MARCHF4: variants seen among roughly 807,000 people sequenced by gnomAD.
MARCHF4 encodes the protein E3 ubiquitin-protein ligase MARCHF4.
MARCHF4 carries 14 observed loss-of-function variants against 43.9 expected under a neutral mutation model. That is an observed-to-expected ratio of 0.32 (90% CI 0.21 to 0.50). The LOEUF (loss-of-function observed/expected upper bound fraction) is 0.50. MARCHF4 is among the 20% of genes least tolerant of loss of function. The pLI is 0.98. For synonymous variants in MARCHF4, 226 were observed against 213.3 expected (o/e 1.06, Z -0.52); for missense variants, 468 against 536.7 (o/e 0.87, Z 1.27).
rs1237853102 is a variant in MARCHF4, at chr2:216,370,267, C to T, written c.-7G>A. On this transcript the variant is annotated 5_prime_UTR_variant, in exon 1 of 4. Transcript: ENST00000273067. ...CACACAGGGGCATCAGCATGTGCCC[C>T]GTGGAAGTAGAGAGCCCAAGAGGGG... The T allele has an allele frequency of 5.7e-6, 9 of 1,586,430 alleles. No individual in the cohort carries two copies. The highest frequency in any genetic ancestry group is 6.9e-6 in the Non-Finnish European group (8 of 1,164,202).
Position 216,369,827 on chromosome 2 carries a change from T to C in MARCHF4, c.434A>G (p.Glu145Gly), listed in dbSNP as rs1385691733. 1 of 1,613,932 alleles carries C rather than the reference T, an allele frequency of 6.2e-7. No homozygotes were observed. Residue 145 changes from glutamate (E) to glycine (G), a missense_variant, in exon 1 of 4, where the codon GAG (glutamate) becomes GGG (glycine). Glu to Gly is a moderately conservative substitution (Grantham distance 98, BLOSUM62 -2). Coordinates refer to ENST00000273067, the MANE Select transcript of MARCHF4 (RefSeq NM_020814.3). ...GCTGCTGCCCAGTGAGTAGCGATCC[T>C]CGGTCTTCTCCTTACAGAAGTCATC... ...SSDDFCKEKT[E>G]DRYSLGSSLD... is the part of the protein sequence containing the mutation.
intron 1 of MARCHF4, among the ~76,000 whole-genome samples, chr2:216,285,470 C>T (rs2105941888): frequency 6.6e-6 from 1 of 152,332 alleles, no homozygotes; most frequent in Non-Finnish European, 1.5e-5. Flanking sequence ...TCTTATCCAT[C>T]TTTGCAGCCC....
At chr2:216,259,859 C>T in intron 3 of MARCHF4, 180 bp from the exon 4 acceptor site, 1 of 620,448 alleles carries the variant, frequency 1.6e-6, no homozygotes, top group Non-Finnish European at 2.8e-6. Context: ...GGTGGAGGGG[C>T]CACCAGACCG....
At chr2:216,366,555 G>A (rs773721506) in intron 1 of MARCHF4, among the ~76,000 whole-genome samples, 15 of 151,858 alleles carry the variant, frequency 9.9e-5, no homozygotes, top group South Asian at 2.1e-4. Context: ...TGCTAAGCTC[G>A]TTCACATTCA....
chr2:216,328,644 G>C (rs975744612), intron 1 of MARCHF4, among the ~76,000 whole-genome samples: 2 of 152,042 alleles, frequency 1.3e-5, no homozygotes, highest in African/African-American at 4.8e-5. Flanking sequence ...AAAAATGAAG[G>C]GCAACTCAAA....
chr2:216,286,998 C>T (rs2105942671), intron 1 of MARCHF4, among the ~76,000 whole-genome samples: 1 of 152,308 alleles, frequency 6.6e-6, no homozygotes, highest in South Asian at 2.1e-4. Context: ...ATGACTCACT[C>T]AAGGTCACAC....
chr2:216,310,100 G>C (rs933448232), intron 1 of MARCHF4, among the ~76,000 whole-genome samples: 1 of 88 alleles, frequency 0.011, no homozygotes, highest in African/African-American at 0.062. Context: ...GCCTAGATGA[G>C]ACCCTGGAGG....
intron 3 of MARCHF4, among the ~76,000 whole-genome samples, chr2:216,274,480 T>C (rs1284541902): frequency 6.6e-6 from 1 of 152,206 alleles, no homozygotes; most frequent in South Asian, 2.1e-4. Context: ...CACCAAATTG[T>C]GCAGTGTGAT....
intron 1 of MARCHF4, among the ~76,000 whole-genome samples, chr2:216,320,290 C>T (rs961686748): frequency 5.3e-5 from 8 of 152,206 alleles, no homozygotes; most frequent in Non-Finnish European, 8.8e-5. Context: ...TATTCCCTGC[C>T]TCTCTTATGA....
At chr2:216,368,530 T>C (rs908062671) in intron 1 of MARCHF4, among the ~76,000 whole-genome samples, 1 of 152,190 alleles carries the variant, frequency 6.6e-6, no homozygotes, top group Non-Finnish European at 1.5e-5. Flanking sequence ...GAGTTCTTTG[T>C]CCATTGAGAG....
At chr2:216,281,102 G>A (rs1215621737) in intron 2 of MARCHF4, among the ~76,000 whole-genome samples, 1 of 127,098 alleles carries the variant, frequency 7.9e-6, no homozygotes, top group Non-Finnish European at 1.6e-5. Flanking sequence ...ATCTCGCTCT[G>A]CCACCCAGGC....
In MARCHF4 at chr2:216,370,170, T is replaced by C. The variant is rs1559110082; in HGVS notation, c.91A>G (p.Met31Val). 1 of 1,611,746 alleles carries C rather than the reference T, an allele frequency of 6.2e-7. No homozygotes were observed. The highest frequency in any genetic ancestry group is 8.5e-7 in the Non-Finnish European group (1 of 1,179,306). The part of the protein sequence containing the change: ...CYGLCAPAPQ[M>V]LRHQGLLKCR... ...TTGAGGAGACCCTGGTGGCGCAACA[T>C]CTGGGGGGCTGGGGCACACAATCCA... Residue 31 changes from methionine (M) to valine (V), a missense_variant, in exon 1 of 4, where the codon ATG (methionine) becomes GTG (valine). Met to Val is a conservative substitution (Grantham distance 21). Transcript: ENST00000273067.
intron 1 of MARCHF4, among the ~76,000 whole-genome samples, chr2:216,362,159 G>C (rs968397482): frequency 2.0e-5 from 3 of 152,176 alleles, no homozygotes; most frequent in African/African-American, 7.2e-5. Context: ...CTCAAGCCAA[G>C]ATAATGATCA....
At chr2:216,294,455 G>A (rs977965330) in intron 1 of MARCHF4, among the ~76,000 whole-genome samples, 2 of 152,212 alleles carry the variant, frequency 1.3e-5, no homozygotes, top group African/African-American at 2.4e-5. Flanking sequence ...CTAATGTTCC[G>A]GATCATGGCC....
chr2:216,338,902 T>G (rs1188621788), intron 1 of MARCHF4, among the ~76,000 whole-genome samples: 1 of 152,094 alleles, frequency 6.6e-6, no homozygotes, highest in African/African-American at 2.4e-5. Context: ...GCTCTTATTA[T>G]CTCCCATTTA....
chr2:216,352,606 C>A (rs900872684), intron 1 of MARCHF4, among the ~76,000 whole-genome samples: 1 of 152,166 alleles, frequency 6.6e-6, no homozygotes, highest in Non-Finnish European at 1.5e-5. Context: ...AGCCTCCCAC[C>A]TTGGCCTCCC....
intron 1 of MARCHF4, among the ~76,000 whole-genome samples, chr2:216,291,734 ATTG>A (rs1438487781): frequency 1.3e-5 from 2 of 152,160 alleles, no homozygotes; most frequent in Non-Finnish European, 2.9e-5. Context: ...TAATAATTCT[ATTG>A]TTATAAATAT....
intron 1 of MARCHF4, among the ~76,000 whole-genome samples, chr2:216,310,767 C>T (rs1005445760): frequency 4.6e-5 from 7 of 152,194 alleles, no homozygotes; most frequent in Non-Finnish European, 8.8e-5. Context: ...CTTACAGTCA[C>T]GTTTTTATTA....
At chr2:216,275,277 G>A (rs906369122) in intron 3 of MARCHF4, among the ~76,000 whole-genome samples, 1 of 152,140 alleles carries the variant, frequency 6.6e-6, no homozygotes, top group Non-Finnish European at 1.5e-5. Context: ...GTGGCACAGA[G>A]CCCTACTCAG....
Sources: allele counts gnomAD v4.1 joint callset (sites outside exome capture counted in the v4.1 genomes callset), GRCh38; gene constraint gnomAD v4.1.1; transcripts MANE v1.5; gene names NCBI Gene and HGNC (gene_info 2026-07-23, HGNC 2026-07-21).